The following DNAJC1 variants were observed in gnomAD, a reference collection of about 807,000 sequenced individuals.
DNAJC1 encodes the protein dnaJ homolog subfamily C member 1.
A neutral mutation model predicts 76.6 loss-of-function variants in DNAJC1; 58 were observed. That is an observed-to-expected ratio of 0.76 (90% CI 0.61 to 0.94). The LOEUF is 0.94. DNAJC1 is among the 40% of genes least tolerant of loss of function. The pLI is 0.00. For missense variants in DNAJC1, 689 were observed against 677.3 expected, an observed-to-expected ratio of 1.02 and a Z score of -0.19; for synonymous variants, 258 against 267.9, an observed-to-expected ratio of 0.96 and a Z score of 0.36.
chr10:21,810,169 C>T (rs1834941867), intron 8 of DNAJC1, among the ~76,000 whole-genome samples: 1 of 151,842 alleles, frequency 6.6e-6, no homozygotes. Flanking sequence ...AGGCAGGACA[C>T]AAAAAAACAA....
intron 8 of DNAJC1, among the ~76,000 whole-genome samples, chr10:21,813,459 A>C (rs1227959551): frequency 6.6e-6 from 1 of 150,394 alleles, no homozygotes; most frequent in Non-Finnish European, 1.5e-5. Flanking sequence ...GCAGTAGCGC[A>C]ATTTCAGCTC....
At chr10:21,929,256 T>A (rs541359754) in intron 1 of DNAJC1, 115 bp from the exon 2 acceptor site, 1 of 663,256 alleles carries the variant, frequency 1.5e-6, no homozygotes, top group East Asian at 2.9e-5. Context: ...CCCCAGGCAA[T>A]GTAATTTGAG....
chr10:21,793,832 A>G (rs1834721169), intron 9 of DNAJC1, among the ~76,000 whole-genome samples: 1 of 152,176 alleles, frequency 6.6e-6, no homozygotes, highest in South Asian at 2.1e-4. Flanking sequence ...CCATCCCTGT[A>G]GTCCCAGCTA....
chr10:21,781,506 G>C (rs1256951300), intron 9 of DNAJC1, among the ~76,000 whole-genome samples: 1 of 152,088 alleles, frequency 6.6e-6, no homozygotes, highest in Non-Finnish European at 1.5e-5. Flanking sequence ...CAGATCACGA[G>C]GTCAGGAGAT....
chr10:21,805,961 C>T lies in DNAJC1; in HGVS notation c.1098+19G>A. On this transcript the variant is annotated intron_variant, in intron 9 of 11. Transcript: ENST00000376980. ...TTCTGGTTTCTCTCTCTATACAATG[C>T]AAATCTCAGTGAACTCACATCTGTC... is the stretch of plus-strand genomic sequence containing the variant. The T allele has an allele frequency of 6.2e-7, 1 of 1,611,090 alleles. No individual in the cohort carries two copies. Among genetic ancestry groups the T allele is most frequent in the African/African-American group, 1.3e-5 (1 of 74,904 alleles).
intron 8 of DNAJC1, among the ~76,000 whole-genome samples, chr10:21,838,320 T>C (rs1485108995): frequency 2.0e-5 from 3 of 152,212 alleles, no homozygotes; most frequent in African/African-American, 7.2e-5. Context: ...TCTATAACCT[T>C]ACCCCCAACC....
rs567524271 is a variant in DNAJC1, at chr10:21,870,528, C to T, written c.978+11754G>A. 9.9e-5 allele frequency among the ~76,000 whole-genome samples: 15 copies of T among 152,244 alleles called. No individual in the cohort carries two copies. The South Asian group carries it at 2.9e-3, about 29-fold the overall frequency. ...GTGGCTCATGCCTGTAATCCCAACA[C>T]TTTGGGAGGCTGAGATAGGAGGACT... On this transcript the variant is annotated intron_variant, in intron 8 of 11. Coordinates refer to ENST00000376980, the MANE Select transcript of DNAJC1 (RefSeq NM_022365.4).
At chr10:21,927,869 G>A (rs1837154862) in intron 3 of DNAJC1, among the ~76,000 whole-genome samples, 5 of 152,182 alleles carry the variant, frequency 3.3e-5, no homozygotes, top group African/African-American at 1.2e-4. Flanking sequence ...TATATTGCCA[G>A]TCTTCTGAAA....
intron 9 of DNAJC1, among the ~76,000 whole-genome samples, chr10:21,796,060 C>T (rs920840963): frequency 3.3e-5 from 5 of 151,380 alleles, no homozygotes; most frequent in Non-Finnish European, 7.4e-5. Flanking sequence ...ACCGCCACCT[C>T]CTGGGTTCAA....
intron 10 of DNAJC1, among the ~76,000 whole-genome samples, chr10:21,760,328 G>T (rs142907960): frequency 2.0e-5 from 3 of 152,248 alleles, no homozygotes; most frequent in Non-Finnish European, 4.4e-5. Flanking sequence ...CCTTTTAATA[G>T]GACAGAATAG....
At chr10:21,887,990 C>T (rs1240306133) in intron 7 of DNAJC1, among the ~76,000 whole-genome samples, 2 of 152,012 alleles carry the variant, frequency 1.3e-5, no homozygotes, top group African/African-American at 4.8e-5. Context: ...CTGCATGTGA[C>T]AAAGGTCTAA....
At chr10:21,908,033 A>AATATATAATATAATATATAAATATATAAT (rs56060478) in intron 6 of DNAJC1, among the ~76,000 whole-genome samples, 3 of 113,116 alleles carry the variant, frequency 2.7e-5, no homozygotes, top group African/African-American at 1.1e-4. Flanking sequence ...ATAAATATAT[A>AATATATAATATAATATATAAATATATAAT]ATATAATATA....
At chr10:21,929,010 AAT>A (rs200995114) in intron 2 of DNAJC1, 28 bp downstream of exon 2, 38 of 1,363,852 alleles carry the variant, frequency 2.8e-5, no homozygotes, top group Admixed American at 4.4e-5. Context: ...TTTGTCACAA[AAT>A]ATATATATAA....
At chr10:21,809,498 A>C (rs1834931789) in intron 8 of DNAJC1, among the ~76,000 whole-genome samples, 1 of 151,384 alleles carries the variant, frequency 6.6e-6, no homozygotes, top group African/African-American at 2.4e-5. Context: ...CTTACATCGC[A>C]TTGCCCAGTT....
chr10:21,955,687 A>C (rs1227454422), intron 1 of DNAJC1, among the ~76,000 whole-genome samples: 1 of 152,176 alleles, frequency 6.6e-6, no homozygotes, highest in Non-Finnish European at 1.5e-5. Flanking sequence ...TATTTTATTA[A>C]AATTTTATCA....
At chr10:21,833,470 C>CA (rs1325385791) in intron 8 of DNAJC1, among the ~76,000 whole-genome samples, 9 of 151,928 alleles carry the variant, frequency 5.9e-5, no homozygotes, top group African/African-American at 2.2e-4. Context: ...GACTCTGACA[C>CA]AAAAAATAAA....
chr10:21,951,521 T>TA (rs756514393), intron 1 of DNAJC1, among the ~76,000 whole-genome samples: 63 of 146,726 alleles, frequency 4.3e-4, no homozygotes, highest in South Asian at 1.3e-3. Context: ...CGTTTTCCCT[T>TA]AAAAAAAAAA....
chr10:21,777,399 A>C (rs570079075), intron 9 of DNAJC1, among the ~76,000 whole-genome samples: 15 of 152,316 alleles, frequency 9.8e-5, no homozygotes, highest in Admixed American at 2.0e-4. Flanking sequence ...GAAGATGAAA[A>C]AGTGTTCCAT....
intron 8 of DNAJC1, chr10:21,865,837 T>C (rs537383054): frequency 2.6e-5 from 4 of 151,916 alleles, no homozygotes; most frequent in African/African-American, 9.7e-5. Context: ...AAATGGAATA[T>C]TAAAAATTAG....
Sources: gnomAD v4.1 joint callset for allele counts (sites outside exome capture counted in the v4.1 genomes callset) on GRCh38, gnomAD v4.1.1 for gene constraint, MANE v1.5 for transcripts, NCBI Gene and HGNC (gene_info 2026-07-23, HGNC 2026-07-21) for gene names.